Variants in CPAMD8 observed in about 807,000 individuals in gnomAD.
The protein encoded by CPAMD8 is C3 and PZP-like alpha-2-macroglobulin domain-containing protein 8.
A neutral mutation model predicts 224.7 loss-of-function variants in CPAMD8; 146 were observed. The observed-to-expected ratio is 0.65, with a 90% CI of 0.57 to 0.75. CPAMD8 has a LOEUF of 0.75. CPAMD8 is among the 30% of genes least tolerant of loss of function. The pLI, the probability that CPAMD8 is intolerant of heterozygous loss-of-function variation, is 0.00. For missense variants in CPAMD8, 2,301 were observed against 2,537.5 expected (o/e 0.91, Z 2.00); for synonymous variants, 966 against 1,044.6 (o/e 0.92, Z 1.45).
intron 23 of CPAMD8, among the ~76,000 whole-genome samples, 188 bp downstream of exon 23, chr19:16,938,207 C>T (rs1266117775): frequency 1.3e-5 from 2 of 152,126 alleles, no homozygotes; most frequent in Non-Finnish European, 2.9e-5. Context: ...TCATGCCCCA[C>T]CCTCACTGGC....
intron 1 of CPAMD8, 119 bp downstream of exon 1, chr19:17,026,432 G>T: frequency 8.7e-7 from 1 of 1,145,850 alleles, no homozygotes; most frequent in East Asian, 3.2e-5. Flanking sequence ...AAGAGGCCAG[G>T]TCCAGCCCAG....
Position 16,966,171 on chromosome 19 carries a change from C to T in CPAMD8, c.2213+4720G>A, listed in dbSNP as rs1208647756. Among the ~76,000 whole-genome samples, 84 of 152,076 alleles carry T rather than the reference C, an allele frequency of 5.5e-4. 2 individuals are homozygous for T. Among genetic ancestry groups the T allele is most frequent in the Admixed American group, 5.4e-3 (82 of 15,244 alleles). ...ATAGACCAATGGAACAGAACAGAGG[C>T]CTCAGAAATAACACCACGCATCTAC... is the stretch of plus-strand genomic sequence containing the variant. On this transcript the variant is annotated intron_variant, in intron 18 of 41. Coordinates refer to ENST00000443236, the MANE Select transcript of CPAMD8 (RefSeq NM_015692.5).
chr19:16,912,175 T>C (rs1386645054), intron 29 of CPAMD8, among the ~76,000 whole-genome samples: 2 of 152,164 alleles, frequency 1.3e-5, no homozygotes, highest in African/African-American at 2.4e-5. Context: ...AATGTAATGC[T>C]CTTGAATCTC....
chr19:16,987,508 C>T (rs1428948670), intron 13 of CPAMD8, among the ~76,000 whole-genome samples: 1 of 151,800 alleles, frequency 6.6e-6, no homozygotes, highest in Non-Finnish European at 1.5e-5. Context: ...CCTGCGCCTG[C>T]CAGCGTAAGA....
At chr19:17,025,739 A>T (rs771033046) in intron 1 of CPAMD8, among the ~76,000 whole-genome samples, 1 of 152,148 alleles carries the variant, frequency 6.6e-6, no homozygotes, top group African/African-American at 2.4e-5. Flanking sequence ...TAGGATGAAA[A>T]TTTGTAGGGT....
chr19:16,975,260 T>A lies in CPAMD8; in HGVS notation c.1909-2A>T. 1.3e-6 allele frequency: 2 copies of A among 1,599,744 alleles called. No individual in the cohort carries two copies. Among genetic ancestry groups the A allele is most frequent in the African/African-American group, 2.7e-5 (2 of 74,826 alleles). ...ATAATCTTCCAGTTCCTGGAAAACC[T>A]GCAGGCAAAGGGGGACAGAGACTTG... On this transcript the variant is annotated splice_acceptor_variant, in intron 16 of 41. Transcript: ENST00000443236. LOFTEE classifies it high-confidence loss of function.
chr19:16,962,130 TCTC>T (rs2054679028), intron 18 of CPAMD8, among the ~76,000 whole-genome samples: 1 of 152,086 alleles, frequency 6.6e-6, no homozygotes, highest in African/African-American at 2.4e-5. Context: ...GCGCGCCTCT[TCTC>T]CTCCAAAGGA....
chr19:16,896,291 C>G lies in CPAMD8; in HGVS notation c.5311G>C (p.Gly1771Arg), dbSNP rs779341195. The G allele has an allele frequency of 5.0e-6, 8 of 1,612,474 alleles. No homozygotes were observed. The South Asian group carries it at 8.8e-5, about 18-fold the overall frequency. ...RLPASSSSTY[G>R]DDLASVAPGP... ...GGGGCCACAGAAGCCAGGTCATCCC[C>G]GTAGGTGGAGGACGACGAGGCCGGC... Residue 1771 changes from glycine (G) to arginine (R), a missense_variant, in exon 41 of 42, where the codon GGG becomes CGG. Coordinates refer to ENST00000443236, the MANE Select transcript of CPAMD8 (RefSeq NM_015692.5).
At chr19:17,002,236 C>CA in intron 9 of CPAMD8, 30 bp downstream of exon 9, 1 of 1,442,924 alleles carries the variant, frequency 6.9e-7, no homozygotes, top group Non-Finnish European at 9.6e-7. Context: ...AGGGCCCCCC[C>CA]AGTGTGCCCC....
chr19:16,999,291 C>T (rs1259257647), intron 10 of CPAMD8, among the ~76,000 whole-genome samples: 1 of 152,120 alleles, frequency 6.6e-6, no homozygotes, highest in Non-Finnish European at 1.5e-5. Context: ...TGAAAACCAT[C>T]AAGCTGTGGC....
chr19:16,896,347 G>T lies in CPAMD8; in HGVS notation c.5276-21C>A, dbSNP rs761386354. On this transcript the variant is annotated intron_variant, in intron 40 of 41. Transcript: ENST00000443236. ...CTGCTCTGGAAGGAAGGGGGCCTCG[G>T]TCGGGAGGGCGTGGCGGGGAGGGGA... 6 of 1,586,352 alleles carry T rather than the reference G, an allele frequency of 3.8e-6. No individual in the cohort carries two copies. The East Asian group carries it at 1.4e-4, about 36-fold the overall frequency.
chr19:16,919,349 G>A (rs1382646238), intron 27 of CPAMD8, among the ~76,000 whole-genome samples: 1 of 152,234 alleles, frequency 6.6e-6, no homozygotes, highest in Non-Finnish European at 1.5e-5. Context: ...CCGCCATGTT[G>A]TAAGAACACT....
rs1056256204 is a variant in CPAMD8 at position 17,012,892 on chromosome 19, G to A, written c.268-1135C>T. ...TCTGTGTTTGCCTCACTCTAAAATC[G>A]CAGCACAGGCTGAGCGCAATGGCTC... On this transcript the variant is annotated intron_variant, in intron 3 of 41. Transcript: ENST00000443236. 4.6e-5 allele frequency among the ~76,000 whole-genome samples: 7 copies of A among 152,236 alleles called. No homozygotes were observed. The South Asian group carries it at 1.5e-3, about 32-fold the overall frequency.
At position 16,972,724 on chromosome 19, in the gene CPAMD8, G is replaced by A. The variant is rs150556980; in HGVS notation, c.2071-1691C>T. Among the ~76,000 whole-genome samples the A allele has an allele frequency of 9.3e-3, 1,418 of 152,166 alleles. 27 individuals are homozygous for A. Among genetic ancestry groups the A allele is most frequent in the African/African-American group, 0.032 (1,334 of 41,512 alleles). ...GCTGGGATTACAGGCGTGAGCCACC[G>A]CGCCCAGCCTTTGAATAAGAAATTC... On this transcript the variant is annotated intron_variant, in intron 17 of 41. Transcript: ENST00000443236.
At chr19:16,983,919 A>G (rs4808061) in intron 13 of CPAMD8, among the ~76,000 whole-genome samples, 114,836 of 152,072 alleles carry the variant, frequency 0.76, 44,396 homozygotes, top group African/African-American at 0.94. Context: ...GAAGAATAAC[A>G]TTGGAGGACT....
At chr19:16,980,772 G>A in intron 13 of CPAMD8, 86 bp from the exon 14 acceptor site, 4 of 1,145,166 alleles carry the variant, frequency 3.5e-6, no homozygotes, top group Non-Finnish European at 4.9e-6. Context: ...GGGGCCAGAG[G>A]GAGGTTGGGA....
chr19:17,020,941 T>C (rs1354387110), intron 2 of CPAMD8, among the ~76,000 whole-genome samples: 1 of 152,098 alleles, frequency 6.6e-6, no homozygotes, highest in Non-Finnish European at 1.5e-5. Flanking sequence ...GCTCCCAAGC[T>C]CTCCATCCAC....
chr19:17,011,435 G>A (rs370013077), intron 5 of CPAMD8, 29 bp downstream of exon 5: 14 of 1,613,902 alleles, frequency 8.7e-6, no homozygotes, highest in African/African-American at 1.3e-5. Context: ...GGTGCACTCC[G>A]GGCCCGCGGT....
Position 17,011,599 on chromosome 19 carries a change from C to T in CPAMD8, c.426G>A (p.Gln142=), listed in dbSNP as rs2056652638. The change falls in exon 4 of 42, where the codon CAG becomes CAA. Residue 142 remains glutamine, a synonymous_variant. Transcript: ENST00000443236. ...IQTDKPVYRP[Q]HRVLISIFTV... ...TCCATGCTGGCCACTCACCTCGGTG[C>T]TGGGGTCTGTACACAGGCTTGTCCG... 1 of 1,614,060 alleles carries T rather than the reference C, an allele frequency of 6.2e-7. No individual in the cohort carries two copies. Among genetic ancestry groups the T allele is most frequent in the Non-Finnish European group, 8.5e-7 (1 of 1,180,022 alleles).
Sources: allele counts gnomAD v4.1 joint callset (sites outside exome capture counted in the v4.1 genomes callset), GRCh38; gene constraint gnomAD v4.1.1; transcripts MANE v1.5; gene names NCBI Gene and HGNC (gene_info 2026-07-23, HGNC 2026-07-21).